Variants in MAP4 observed in about 807,000 individuals in gnomAD.
MAP4 encodes the protein microtubule-associated protein 4.
A neutral mutation model predicts 170.2 loss-of-function variants in MAP4; 76 were observed. The observed-to-expected ratio is 0.45, with a 90% CI of 0.37 to 0.54. The LOEUF (loss-of-function observed/expected upper bound fraction) is 0.54. Among genes scored for constraint, MAP4 ranks in the 20% least tolerant of loss-of-function variants. The pLI, the probability that MAP4 is intolerant of heterozygous loss-of-function variation, is 0.00. For missense variants in MAP4, 2,506 were observed against 2,748.0 expected, an observed-to-expected ratio of 0.91 and a Z score of 1.97; for synonymous variants, 909 against 994.5, an observed-to-expected ratio of 0.91 and a Z score of 1.62.
intron 3 of MAP4, among the ~76,000 whole-genome samples, chr3:47,948,903 G>A (rs948637986): frequency 3.9e-5 from 6 of 152,114 alleles, no homozygotes; most frequent in Non-Finnish European, 7.4e-5. Context: ...TTATAGGCGT[G>A]AGCCACTGCG....
intron 3 of MAP4, among the ~76,000 whole-genome samples, chr3:47,965,742 A>T (rs994409560): frequency 4.0e-5 from 6 of 150,916 alleles, no homozygotes; most frequent in Admixed American, 2.0e-4. Context: ...CATATTTTTA[A>T]TTTTTTTTTG....
In MAP4 at chr3:48,032,959, A is replaced by G. The variant is rs573348976; in HGVS notation, c.-19-34080T>C. ...GACCAAGTCTAATAAAAGCTTATTC[A>G]TGTACACAGAAACAAAACAAAGTAA... is the stretch of plus-strand genomic sequence containing the variant. On this transcript the variant is annotated intron_variant, in intron 1 of 18. Coordinates refer to the MAP4 transcript ENST00000360240. 1.0e-3 allele frequency among the ~76,000 whole-genome samples: 158 copies of G among 152,344 alleles called. 1 individual carries two copies. Among genetic ancestry groups the G allele is most frequent in the South Asian group, 3.5e-3 (17 of 4,828 alleles).
intron 10 of MAP4, among the ~76,000 whole-genome samples, chr3:47,880,302 G>A (rs138119657): frequency 0.029 from 4,164 of 142,006 alleles, 97 homozygotes; most frequent in Middle Eastern, 0.049. Context: ...TAGAGATGGG[G>A]TTTCACCATG....
intron 3 of MAP4, among the ~76,000 whole-genome samples, chr3:47,963,942 A>G (rs1239225063): frequency 6.6e-6 from 1 of 152,236 alleles, no homozygotes; most frequent in Non-Finnish European, 1.5e-5. Flanking sequence ...AATCATGAAT[A>G]TATCAAAGGG....
In MAP4 at chr3:47,914,807, C is replaced by A. The variant is rs748137405; in HGVS notation, c.1999+10G>T. ...TGTTTCAAAGAGTTCATTTTGTTTT[C>A]CTAACTTACCTGAGGTCTCTGAAGA... On this transcript the variant is annotated intron_variant, in intron 8 of 20. Transcript: ENST00000683076. 3.7e-6 allele frequency: 6 copies of A among 1,613,980 alleles called. No individual in the cohort carries two copies. Among genetic ancestry groups the A allele is most frequent in the Non-Finnish European group, 5.1e-6 (6 of 1,179,980 alleles).
intron 9 of MAP4, among the ~76,000 whole-genome samples, chr3:47,905,862 T>C (rs1207908624): frequency 6.6e-6 from 1 of 151,920 alleles, no homozygotes; most frequent in African/African-American, 2.4e-5. Context: ...AGCGTGGTGG[T>C]AGGCACCTAT....
chr3:48,031,237 G>A (rs180699889), intron 1 of MAP4, among the ~76,000 whole-genome samples: 7 of 152,172 alleles, frequency 4.6e-5, no homozygotes, highest in South Asian at 2.1e-4. Flanking sequence ...GCAACATGGC[G>A]AAACCCCATC....
intron 10 of MAP4, among the ~76,000 whole-genome samples, chr3:47,895,201 G>A (rs1400304489): frequency 2.6e-5 from 4 of 152,102 alleles, no homozygotes; most frequent in African/African-American, 4.8e-5. Context: ...ACATGGTGGG[G>A]AAAAAATTAA....
intron 2 of MAP4, among the ~76,000 whole-genome samples, chr3:47,988,747 T>C (rs373233537): frequency 3.3e-5 from 5 of 152,066 alleles, no homozygotes; most frequent in Non-Finnish European, 5.9e-5. Flanking sequence ...ATCAGTGAGA[T>C]ACTAGATCAA....
chr3:47,899,678 A>T (rs1485173442), intron 10 of MAP4, among the ~76,000 whole-genome samples: 1 of 152,244 alleles, frequency 6.6e-6, no homozygotes, highest in Non-Finnish European at 1.5e-5. Flanking sequence ...CTTTCAAAAA[A>T]GATCTGCTCA....
At chr3:48,067,694 C>A (rs906699242) in intron 1 of MAP4, among the ~76,000 whole-genome samples, 2 of 149,198 alleles carry the variant, frequency 1.3e-5, no homozygotes, top group African/African-American at 5.0e-5. Context: ...GGCTGGAGTG[C>A]GGTGGCACAA....
chr3:47,909,967 T>A lies in MAP4; in HGVS notation c.4454A>T (p.Asp1485Val). The A allele has an allele frequency of 5.6e-6, 9 of 1,613,982 alleles. No homozygotes were observed. Among genetic ancestry groups the A allele is most frequent in the Non-Finnish European group, 7.6e-6 (9 of 1,179,888 alleles). Reference protein sequence around the residue: ...KSLMVDNYTKDGVPGQERPKG... With the variant: ...KSLMVDNYTKVGVPGQERPKG... The stretch of plus-strand genomic sequence containing the variant: ...GGGTCTTTCTTGACCTGGGACTCCA[T>A]CTTTGGTGTAGTTATCTACCATTAA... The change falls in exon 9 of 21, where the codon GAT (aspartate) becomes GTT (valine). Residue 1485 changes from aspartate to valine, a missense_variant. Asp to Val is a radical substitution (Grantham distance 152, BLOSUM62 -3). Coordinates refer to ENST00000683076, the MANE Select transcript of MAP4 (RefSeq NM_001385682.1).
intron 1 of MAP4, among the ~76,000 whole-genome samples, chr3:48,001,218 C>G (rs1176650529): frequency 6.6e-6 from 1 of 152,112 alleles, no homozygotes; most frequent in Non-Finnish European, 1.5e-5. Context: ...GTGTTCAGTA[C>G]TGGGAATGCT....
rs866988697 is a variant in MAP4, at chr3:47,966,263, T to C, written c.292+11602A>G. Among the ~76,000 whole-genome samples, 35 of 121,268 alleles carry C rather than the reference T, an allele frequency of 2.9e-4. 1 individual carries two copies. The highest frequency in any genetic ancestry group is 1.0e-3 in the Admixed American group (12 of 11,782). The allele number at this position is 121,268 out of a possible 152,430, so 79.6% of individuals were successfully genotyped here. Reference sequence around the variant, plus strand: ...TTTTTTTTTTTTTTTTTTTTTTTTTTTTGAGACAGAGTCTTGCTCTGTTGC... The same window carrying C: ...TTTTTTTTTTTTTTTTTTTTTTTTTCTTGAGACAGAGTCTTGCTCTGTTGC... On this transcript the variant is annotated intron_variant, in intron 3 of 20. Transcript: ENST00000683076.
chr3:47,969,270 T>C (rs1489374837), intron 3 of MAP4, among the ~76,000 whole-genome samples: 1 of 151,922 alleles, frequency 6.6e-6, no homozygotes, highest in African/African-American at 2.4e-5. Flanking sequence ...TAGCCAGACA[T>C]GGTGGTGGGA....
At chr3:47,950,099 G>A (rs149737418) in intron 3 of MAP4, among the ~76,000 whole-genome samples, 1 of 152,310 alleles carries the variant, frequency 6.6e-6, no homozygotes, top group Non-Finnish European at 1.5e-5. Flanking sequence ...TCTCCGCCTT[G>A]GGTAGGCTCT....
intron 1 of MAP4, among the ~76,000 whole-genome samples, chr3:48,041,491 A>G (rs961666791): frequency 6.6e-6 from 1 of 152,204 alleles, no homozygotes; most frequent in African/African-American, 2.4e-5. Flanking sequence ...ATAAATGGAA[A>G]GACATTTAAG....
chr3:47,970,354 G>A (rs1024099542), intron 3 of MAP4, among the ~76,000 whole-genome samples: 2 of 151,992 alleles, frequency 1.3e-5, no homozygotes, highest in African/African-American at 4.8e-5. Context: ...GTATGGTGGC[G>A]TGTGCCTGTA....
chr3:47,953,515 CTG>C (rs1245782287), intron 3 of MAP4, among the ~76,000 whole-genome samples: 1 of 152,118 alleles, frequency 6.6e-6, no homozygotes, highest in Non-Finnish European at 1.5e-5. Flanking sequence ...GAGTGAGAGC[CTG>C]TCTCTAAATA....
Sources: gnomAD v4.1 joint callset for allele counts (sites outside exome capture counted in the v4.1 genomes callset) on GRCh38, gnomAD v4.1.1 for gene constraint, MANE v1.5 for transcripts, NCBI Gene and HGNC (gene_info 2026-07-23, HGNC 2026-07-21) for gene names.